IGF1R: variants seen among roughly 807,000 people sequenced by gnomAD.
IGF1R encodes the protein insulin like growth factor 1 receptor.
In IGF1R, 44 loss-of-function variants were observed where a neutral mutation model predicts 144.6. The ratio of observed to expected loss-of-function variants is 0.30; its 90% CI spans 0.24 to 0.39. IGF1R has a LOEUF of 0.39. Among genes scored for constraint, IGF1R ranks in the 10% least tolerant of loss-of-function variants. IGF1R has a pLI of 1.00. For synonymous variants in IGF1R, 795 were observed against 722.8 expected (o/e 1.10, Z -1.60); for missense variants, 1,355 against 1,833.7 (o/e 0.74, Z 4.77).
Position 98,877,949 on chromosome 15 carries a change from A to C in IGF1R, c.641-13376A>C, listed in dbSNP as rs569627523. Among the ~76,000 whole-genome samples the C allele has an allele frequency of 3.3e-5, 5 of 152,338 alleles. No homozygotes were observed. In the South Asian group the frequency reaches 1.0e-3, roughly 32 times the overall value. On this transcript the variant is annotated intron_variant, in intron 2 of 20. Transcript: ENST00000650285. ...TGACATAAATGATTATGTGTGTGGC[A>C]GGGGCTTTTGCGTAGGTTGTTGAAA...
At chr15:98,653,826 A>G (rs993685531) in intron 1 of IGF1R, among the ~76,000 whole-genome samples, 10 of 152,192 alleles carry the variant, frequency 6.6e-5, no homozygotes, top group African/African-American at 2.4e-4. Context: ...CAACTGTATC[A>G]TTTTCACTTG....
In IGF1R at chr15:98,962,487, GTTA is replaced by G. The variant is rs1311311607; in HGVS notation, c.*5048_*5050del. 3 of 233,638 alleles carry G rather than the reference GTTA, an allele frequency of 1.3e-5. No homozygotes were observed. Among genetic ancestry groups the G allele is most frequent in the African/African-American group, 6.6e-5 (3 of 45,350 alleles). 14.5% of individuals were successfully genotyped at this position (233,638 alleles called of 1,614,324 possible). On this transcript the variant is annotated 3_prime_UTR_variant, in exon 21 of 21. Coordinates refer to ENST00000650285, the MANE Select transcript of IGF1R (RefSeq NM_000875.5). ...ACAAATGAGAACTTCAAGAGAGGAT[GTTA>G]TTTAGACTGAACCTCTGTTGCCAGA...
At chr15:98,947,792 A>G (rs1315168622) in intron 19 of IGF1R, among the ~76,000 whole-genome samples, 1 of 152,126 alleles carries the variant, frequency 6.6e-6, no homozygotes, top group Non-Finnish European at 1.5e-5. Flanking sequence ...ACCCCCTCCC[A>G]GCCAGTGCAG....
Position 98,664,593 on chromosome 15 carries a change from A to AGGTGGAG in IGF1R, c.94+14920_94+14926dup, listed in dbSNP as rs970619205. On this transcript the variant is annotated intron_variant, in intron 1 of 20. Transcript: ENST00000650285. ...GGCAGGAGAATCACTTGAACCTGGG[A>AGGTGGAG]GGTGGAGGTTGGAGGTTGGAGGTTG... 5.6e-5 allele frequency among the ~76,000 whole-genome samples: 8 copies of AGGTGGAG among 143,452 alleles called. No individual in the cohort carries two copies. In the South Asian group the frequency reaches 1.1e-3, roughly 20 times the overall value. The allele number at this position is 143,452 out of a possible 152,430, so 94.1% of individuals were successfully genotyped here.
In IGF1R at chr15:98,648,832, C is replaced by T. The variant is rs2052258328; in HGVS notation, c.-750C>T. Reference sequence around the variant, plus strand: ...GCTGTGACCTTCAGCGAGCCGGAGCCCCCGCGCAGAGCAGGCGGCGGCGGG... The same window carrying T: ...GCTGTGACCTTCAGCGAGCCGGAGCTCCCGCGCAGAGCAGGCGGCGGCGGG... On this transcript the variant is annotated 5_prime_UTR_variant, in exon 1 of 21. Coordinates refer to ENST00000650285, the MANE Select transcript of IGF1R (RefSeq NM_000875.5). The T allele has an allele frequency of 6.5e-6, 1 of 153,554 alleles. No homozygotes were observed. The highest frequency in any genetic ancestry group is 1.5e-4 in the East Asian group (1 of 6,824). The allele number at this position is 153,554 out of a possible 1,614,324, so 9.5% of individuals were successfully genotyped here. A position where few individuals can be genotyped will look rare whatever the true frequency, so the allele number is the denominator to read the frequency against.
intron 2 of IGF1R, among the ~76,000 whole-genome samples, chr15:98,740,078 C>T (rs7178513): frequency 1.3e-5 from 2 of 152,142 alleles, no homozygotes; most frequent in East Asian, 1.9e-4. Context: ...TCAGAGCATG[C>T]GTAGATAGTG....
chr15:98,827,133 G>C (rs889281673), intron 2 of IGF1R, among the ~76,000 whole-genome samples: 1 of 151,900 alleles, frequency 6.6e-6, no homozygotes, highest in Non-Finnish European at 1.5e-5. Context: ...TCCTTCCCCT[G>C]CCCCCCAACT....
At chr15:98,828,782 T>G (rs865927326) in intron 2 of IGF1R, among the ~76,000 whole-genome samples, 24 of 151,804 alleles carry the variant, frequency 1.6e-4, no homozygotes, top group Non-Finnish European at 2.4e-4. Flanking sequence ...TGGTTTTTTT[T>G]TTTTTTTTTT....
intron 5 of IGF1R, among the ~76,000 whole-genome samples, chr15:98,901,758 G>A (rs1030218875): frequency 7.9e-5 from 12 of 152,194 alleles, no homozygotes; most frequent in African/African-American, 2.4e-4. Context: ...CTGACAAGAG[G>A]TGGCATTTGA....
In IGF1R at chr15:98,961,456, C is replaced by T. The variant is rs2017222747; in HGVS notation, c.*4014C>T. ...TGGTGCAGTCACTTTACTGGACCAACCCACCCACCTTGACTATACCAAGGC... is the reference window on the plus strand; with the variant it reads ...TGGTGCAGTCACTTTACTGGACCAATCCACCCACCTTGACTATACCAAGGC... On this transcript the variant is annotated 3_prime_UTR_variant, in exon 21 of 21. Transcript: ENST00000650285. 1 of 233,402 alleles carries T rather than the reference C, an allele frequency of 4.3e-6. No homozygotes were observed. Among genetic ancestry groups the T allele is most frequent in the South Asian group, 1.8e-4 (1 of 5,528 alleles). The allele number at this position is 233,402 out of a possible 1,614,324, so 14.5% of individuals were successfully genotyped here. A position where few individuals can be genotyped will look rare whatever the true frequency, so the allele number is the denominator to read the frequency against.
chr15:98,648,666 G>C lies in IGF1R; in HGVS notation c.-916G>C, dbSNP rs1456729327. On this transcript the variant is annotated 5_prime_UTR_variant, in exon 1 of 21. Transcript: ENST00000650285. ...GCGAGCGCACCAGGCGAACTCGAGA[G>C]AGGCGGGAGAGCGAGAGGGACGCCG... 6.8e-6 allele frequency among the ~76,000 whole-genome samples: 1 copy of C among 147,024 alleles called. No homozygotes were observed. Among genetic ancestry groups the C allele is most frequent in the Non-Finnish European group, 1.5e-5 (1 of 65,988 alleles).
In IGF1R at chr15:98,959,190, C is replaced by T. The variant is rs1208445806; in HGVS notation, c.*1748C>T. The T allele has an allele frequency of 8.6e-6, 2 of 232,922 alleles. No homozygotes were observed. Among genetic ancestry groups the T allele is most frequent in the Non-Finnish European group, 1.7e-5 (2 of 118,006 alleles). 14.4% of individuals were successfully genotyped at this position (232,922 alleles called of 1,614,324 possible). The stretch of plus-strand genomic sequence containing the variant: ...TCCCTTGCCTTTGCTTAGGTTGTGA[C>T]ACACATATATATATATTTTTTTAAT... On this transcript the variant is annotated 3_prime_UTR_variant, in exon 21 of 21. Coordinates refer to ENST00000650285, the MANE Select transcript of IGF1R (RefSeq NM_000875.5).
chr15:98,681,463 G>T (rs1445602386), intron 1 of IGF1R, among the ~76,000 whole-genome samples: 1 of 152,156 alleles, frequency 6.6e-6, no homozygotes, highest in Non-Finnish European at 1.5e-5. Context: ...ACCTATTTGG[G>T]TTCATTCCAA....
chr15:98,915,909 G>C (rs1290317015), intron 8 of IGF1R, 55 bp from the exon 9 acceptor site: 45 of 1,555,760 alleles, frequency 2.9e-5, no homozygotes, highest in Non-Finnish European at 3.9e-5. Flanking sequence ...GTATCTGATA[G>C]CCTGACTCTT....
chr15:98,762,059 G>A (rs2055313087), intron 2 of IGF1R, among the ~76,000 whole-genome samples: 1 of 152,124 alleles, frequency 6.6e-6, no homozygotes, highest in South Asian at 2.1e-4. Flanking sequence ...TATGATGTTC[G>A]TTTGGATACC....
Position 98,908,880 on chromosome 15 carries a change from C to T in IGF1R, c.1443C>T (p.Asn481=). The T allele has an allele frequency of 6.2e-7, 1 of 1,613,918 alleles. No individual in the cohort carries two copies. Among genetic ancestry groups the T allele is most frequent in the Non-Finnish European group, 8.5e-7 (1 of 1,179,876 alleles). Residue 481 remains asparagine (N), a synonymous_variant, in exon 6 of 21, where the codon AAC becomes AAT. Coordinates refer to ENST00000650285, the MANE Select transcript of IGF1R (RefSeq NM_000875.5). ...RQSKGDINTR[N]NGERASCESD... ...GCAAAGGGGACATAAACACCAGGAA[C>T]AACGGGGAGAGAGCCTCCTGTGAGT...
rs1319510129 is a variant in IGF1R at position 98,959,113 on chromosome 15, G to A, written c.*1671G>A. The A allele has an allele frequency of 6.9e-5, 16 of 233,152 alleles. No homozygotes were observed. In the East Asian group the frequency reaches 8.4e-4, roughly 12 times the overall value. 14.4% of individuals were successfully genotyped at this position (233,152 alleles called of 1,614,324 possible). A position where few individuals can be genotyped will look rare whatever the true frequency, so the allele number is the denominator to read the frequency against. ...AAAACAAAGGTTAAATATTTCACAC[G>A]TCTTTGTTCAGTGTTTCCACTCACC... On this transcript the variant is annotated 3_prime_UTR_variant, in exon 21 of 21. Transcript: ENST00000650285.
At chr15:98,780,153 T>TA (rs962641178) in intron 2 of IGF1R, among the ~76,000 whole-genome samples, 4 of 150,880 alleles carry the variant, frequency 2.7e-5, no homozygotes, top group Admixed American at 6.6e-5. Context: ...TAAAGTATAA[T>TA]AAAAAAATAA....
intron 2 of IGF1R, among the ~76,000 whole-genome samples, chr15:98,881,291 T>G (rs1234131010): frequency 6.6e-6 from 1 of 151,970 alleles, no homozygotes; most frequent in African/African-American, 2.4e-5. Flanking sequence ...CCATAGCCCC[T>G]TCCTTTTATT....
Sources: allele counts gnomAD v4.1 joint callset (sites outside exome capture counted in the v4.1 genomes callset), GRCh38; gene constraint gnomAD v4.1.1; transcripts MANE v1.5; gene names NCBI Gene and HGNC (gene_info 2026-07-23, HGNC 2026-07-21).